Variants in CDH18 observed in about 807,000 individuals in gnomAD.
The protein encoded by CDH18 is cadherin-18.
CDH18 carries 31 observed loss-of-function variants against 67.9 expected under a neutral mutation model. That is an observed-to-expected ratio of 0.46 (90% CI 0.34 to 0.62). The LOEUF (loss-of-function observed/expected upper bound fraction) is 0.62, where lower values mean the gene tolerates loss of function less well. Ranked by LOEUF, CDH18 falls within the 20% of genes least tolerant of loss-of-function variation. The probability of loss-of-function intolerance (pLI) is 0.01; values close to 1 mark genes in which losing one functional copy is unlikely to be tolerated. For synonymous variants in CDH18, 362 were observed against 347.2 expected, an observed-to-expected ratio of 1.04 and a Z score of -0.48; for missense variants, 890 against 975.5, an observed-to-expected ratio of 0.91 and a Z score of 1.17.
chr5:20,035,170 G>A (rs1337482822), intron 2 of CDH18, among the ~76,000 whole-genome samples: 2 of 152,016 alleles, frequency 1.3e-5, no homozygotes, highest in Non-Finnish European at 2.9e-5. Context: ...CATAGTGTTA[G>A]TGAGGAATAA....
In CDH18 at chr5:19,472,928, C is replaced by A. The variant is rs1737780842; in HGVS notation, c.*298G>T. ...AATCACAATATATTGAAACAAATAT[C>A]ATTGTTTGGCTTAATTCAGGTATTC... On this transcript the variant is annotated 3_prime_UTR_variant, in exon 13 of 13. Coordinates refer to ENST00000382275, the MANE Select transcript of CDH18 (RefSeq NM_004934.5). The A allele has an allele frequency of 4.0e-6, 1 of 249,716 alleles. No homozygotes were observed. Among genetic ancestry groups the A allele is most frequent in the East Asian group, 8.4e-5 (1 of 11,868 alleles). The allele number at this position is 249,716 out of a possible 1,614,324, so 15.5% of individuals were successfully genotyped here. A position where few individuals can be genotyped will look rare whatever the true frequency, so the allele number is the denominator to read the frequency against.
intron 6 of CDH18, among the ~76,000 whole-genome samples, chr5:19,603,160 A>C (rs1747434611): frequency 6.6e-6 from 1 of 152,176 alleles, no homozygotes; most frequent in Non-Finnish European, 1.5e-5. Flanking sequence ...ATACACATTA[A>C]ATAAAATATT....
At chr5:19,933,798 C>T (rs1413380102) in intron 2 of CDH18, among the ~76,000 whole-genome samples, 2 of 151,344 alleles carry the variant, frequency 1.3e-5, no homozygotes, top group African/African-American at 4.8e-5. Flanking sequence ...TCCCTTGATC[C>T]TTAAAATGGT....
At chr5:19,480,050 T>C (rs1739144186) in intron 12 of CDH18, among the ~76,000 whole-genome samples, 2 of 152,142 alleles carry the variant, frequency 1.3e-5, no homozygotes, top group Admixed American at 1.3e-4. Context: ...TTGATATTTA[T>C]CTTAGTAAAC....
At chr5:19,585,217 A>G (rs1743968535) in intron 7 of CDH18, among the ~76,000 whole-genome samples, 1 of 152,146 alleles carries the variant, frequency 6.6e-6, no homozygotes, top group South Asian at 2.1e-4. Context: ...TTTGTTTTTC[A>G]GACCTCTAAT....
intron 2 of CDH18, among the ~76,000 whole-genome samples, chr5:19,868,977 C>T (rs143327427): frequency 1.9e-3 from 294 of 152,090 alleles, no homozygotes; most frequent in Admixed American, 4.7e-3. Flanking sequence ...TAACTGAAAG[C>T]GGACAGCCAC....
At chr5:20,403,386 C>T (rs990254196) in intron 1 of CDH18, among the ~76,000 whole-genome samples, 1 of 151,848 alleles carries the variant, frequency 6.6e-6, no homozygotes, top group African/African-American at 2.4e-5. Flanking sequence ...TCACCCAGAT[C>T]GTGAGCACAG....
chr5:20,396,801 T>C (rs1745318208), intron 1 of CDH18, among the ~76,000 whole-genome samples: 2 of 152,216 alleles, frequency 1.3e-5, no homozygotes, highest in African/African-American at 4.8e-5. Context: ...ACATTATAGA[T>C]TTATGATTAA....
intron 1 of CDH18, among the ~76,000 whole-genome samples, chr5:20,408,723 AG>A (rs1746513772): frequency 6.6e-6 from 1 of 151,942 alleles, no homozygotes; most frequent in Non-Finnish European, 1.5e-5. Context: ...AGATGGGCAT[AG>A]TAAATTCTTC....
intron 3 of CDH18, among the ~76,000 whole-genome samples, chr5:19,780,388 A>G (rs554258069): frequency 7.9e-4 from 121 of 152,224 alleles, no homozygotes; most frequent in Non-Finnish European, 1.5e-3. Context: ...TAAAATCAGC[A>G]TCTCACTTAC....
chr5:19,637,367 A>T (rs937954071), intron 5 of CDH18, among the ~76,000 whole-genome samples: 3 of 152,142 alleles, frequency 2.0e-5, no homozygotes, highest in African/African-American at 7.2e-5. Flanking sequence ...CTGCCATGCC[A>T]ACTCGACTCT....
At chr5:20,371,042 A>G (rs960910036) in intron 1 of CDH18, among the ~76,000 whole-genome samples, 4 of 152,068 alleles carry the variant, frequency 2.6e-5, no homozygotes, top group African/African-American at 7.2e-5. Flanking sequence ...GTCTCAAAAA[A>G]AAAAAGACTG....
chr5:20,508,930 G>A (rs1754839040), intron 1 of CDH18, among the ~76,000 whole-genome samples: 1 of 152,018 alleles, frequency 6.6e-6, no homozygotes, highest in African/African-American at 2.4e-5. Flanking sequence ...TCTAGTGGCT[G>A]TAATTGTTTT....
intron 5 of CDH18, among the ~76,000 whole-genome samples, chr5:19,622,737 G>T (rs531880696): frequency 6.6e-6 from 1 of 152,104 alleles, no homozygotes; most frequent in African/African-American, 2.4e-5. Flanking sequence ...TCTCCTAGCT[G>T]TTCCTACTAA....
At chr5:20,471,917 C>A (rs1752116300) in intron 1 of CDH18, among the ~76,000 whole-genome samples, 2 of 1,338 alleles carry the variant, frequency 1.5e-3, no homozygotes, top group Non-Finnish European at 1.8e-3. Flanking sequence ...TTGCTAACTC[C>A]ATTCTCATAT....
At chr5:19,612,210 C>T (rs1212981350) in intron 6 of CDH18, among the ~76,000 whole-genome samples, 1 of 152,050 alleles carries the variant, frequency 6.6e-6, no homozygotes, top group Admixed American at 6.6e-5. Flanking sequence ...TAACTTGATG[C>T]CAAATGAAAC....
At chr5:20,473,588 T>C (rs1752238438) in intron 1 of CDH18, among the ~76,000 whole-genome samples, 1 of 152,118 alleles carries the variant, frequency 6.6e-6, no homozygotes, top group African/African-American at 2.4e-5. Flanking sequence ...TCACTTGAAT[T>C]TCTTATTTTC....
At chr5:20,012,875 G>A (rs943846503) in intron 2 of CDH18, among the ~76,000 whole-genome samples, 2 of 138,190 alleles carry the variant, frequency 1.4e-5, no homozygotes, top group African/African-American at 5.4e-5. Flanking sequence ...GACACATAGA[G>A]GGGATCTACA....
At chr5:20,355,702 G>T (rs76295146) in intron 1 of CDH18, among the ~76,000 whole-genome samples, 3,274 of 152,202 alleles carry the variant, frequency 0.022, 84 homozygotes, top group African/African-American at 0.056. Context: ...TTAAGGTAAG[G>T]TAAAACTACT....
Sources: allele counts gnomAD v4.1 joint callset (sites outside exome capture counted in the v4.1 genomes callset), GRCh38; gene constraint gnomAD v4.1.1; transcripts MANE v1.5; gene names NCBI Gene and HGNC (gene_info 2026-07-23, HGNC 2026-07-21).